The following NAV2 variants were observed in gnomAD, a reference collection of about 807,000 sequenced individuals.
The protein encoded by NAV2 is neuron navigator 2.
Under a neutral mutation model 223.2 loss-of-function variants are expected in NAV2, and 54 were observed. The ratio of observed to expected loss-of-function variants is 0.24; its 90% CI spans 0.19 to 0.30. The LOEUF is 0.30. Among genes scored for constraint, NAV2 ranks in the 10% least tolerant of loss-of-function variants. NAV2 has a pLI of 1.00. For missense variants in NAV2, 2,806 were observed against 3,147.5 expected, an observed-to-expected ratio of 0.89 and a Z score of 2.60; for synonymous variants, 1,279 against 1,239.3, an observed-to-expected ratio of 1.03 and a Z score of -0.67.
At chr11:20,044,906 A>G in intron 13 of NAV2, 62 bp from the exon 14 acceptor site, 1 of 1,419,588 alleles carries the variant, frequency 7.0e-7, no homozygotes, top group Non-Finnish European at 9.6e-7. Context: ...AGCATCTTAA[A>G]CAGACGAGAT....
At chr11:19,890,237 G>A (rs1419025638) in intron 5 of NAV2, among the ~76,000 whole-genome samples, 1 of 152,154 alleles carries the variant, frequency 6.6e-6, no homozygotes, top group African/African-American at 2.4e-5. Flanking sequence ...AATGTCTTGT[G>A]TATGGAAAAA....
intron 1 of NAV2, among the ~76,000 whole-genome samples, chr11:19,576,556 A>G (rs1180947272): frequency 3.3e-5 from 5 of 152,244 alleles, no homozygotes; most frequent in African/African-American, 1.2e-4. Flanking sequence ...AGAAATTGCT[A>G]TAATATATAA....
rs750633233 is a variant in NAV2 at position 20,097,586 on chromosome 11, A to T, written c.6022A>T (p.Ile2008Phe). ...TTTTTATTTTTTCCAGGAATACATC[A>T]TTCATGTCGACCCAGTGAGTCAGCT... ...VVRRLFKEYI[I>F]HVDPVSQLGL... Residue 2008 changes from isoleucine to phenylalanine, a missense_variant, in exon 31 of 38, where the codon ATT becomes TTT. Ile to Phe is a conservative substitution (Grantham distance 21). Around this residue, in one of 4 missense-constraint regions of NAV2, gnomAD observed 824 missense variants for 1,069.4 expected, o/e 0.77. Coordinates refer to ENST00000349880, the MANE Select transcript of NAV2 (RefSeq NM_145117.5). 1 of 1,591,758 alleles carries T rather than the reference A, an allele frequency of 6.3e-7. No individual in the cohort carries two copies. Among genetic ancestry groups the T allele is most frequent in the Non-Finnish European group, 8.5e-7 (1 of 1,173,006 alleles).
chr11:19,494,264 A>G (rs1394550821), intron 1 of NAV2, among the ~76,000 whole-genome samples: 1 of 152,210 alleles, frequency 6.6e-6, no homozygotes, highest in African/African-American at 2.4e-5. Flanking sequence ...ATAAATAGGT[A>G]TGCATTTAAT....
chr11:19,945,160 CCCTTCCCTTCCCTTCCCT>C (rs2046815860), intron 8 of NAV2, among the ~76,000 whole-genome samples: 1 of 14,378 alleles, frequency 7.0e-5, no homozygotes, highest in African/African-American at 2.0e-4. Flanking sequence ...TGTCTCCCTT[CCCTTCCCTTCCCTTCCCT>C]TCCCTTCCCT....
chr11:19,899,407 A>T (rs752202142), intron 6 of NAV2, among the ~76,000 whole-genome samples: 21 of 152,230 alleles, frequency 1.4e-4, no homozygotes, highest in Non-Finnish European at 2.8e-4. Context: ...GCTATTAACC[A>T]GGATTCTGAC....
intron 1 of NAV2, among the ~76,000 whole-genome samples, chr11:19,384,038 G>C (rs1256990757): frequency 6.6e-6 from 1 of 151,984 alleles, no homozygotes; most frequent in Non-Finnish European, 1.5e-5. Context: ...ATTTAATTGA[G>C]AACTATTCAG....
intron 1 of NAV2, among the ~76,000 whole-genome samples, chr11:19,809,158 A>G (rs1449057585): frequency 2.0e-5 from 3 of 152,198 alleles, no homozygotes; most frequent in Non-Finnish European, 4.4e-5. Context: ...AACAGTTACT[A>G]ATGAGTATTC....
chr11:19,607,608 T>C (rs1347764865), intron 1 of NAV2, among the ~76,000 whole-genome samples: 1 of 152,192 alleles, frequency 6.6e-6, no homozygotes, highest in East Asian at 1.9e-4. Flanking sequence ...TTGCACACTG[T>C]CTCCACTCAT....
At chr11:19,554,879 G>A (rs889431787) in intron 1 of NAV2, among the ~76,000 whole-genome samples, 5 of 151,788 alleles carry the variant, frequency 3.3e-5, no homozygotes, top group African/African-American at 7.3e-5. Flanking sequence ...CCCGGGAGGA[G>A]GAGGTTGCAG....
At chr11:19,655,693 G>T (rs1428242226) in intron 1 of NAV2, among the ~76,000 whole-genome samples, 4 of 139,392 alleles carry the variant, frequency 2.9e-5, no homozygotes, top group Non-Finnish European at 6.0e-5. Flanking sequence ...ATTGAACAAT[G>T]AGAACACATG....
chr11:19,528,654 G>A (rs910730501), intron 1 of NAV2, among the ~76,000 whole-genome samples: 19 of 150,982 alleles, frequency 1.3e-4, no homozygotes, highest in African/African-American at 2.7e-4. Context: ...TGGGAAGGCC[G>A]GGCACGGTGG....
chr11:19,855,746 T>C (rs1373414147), intron 3 of NAV2, among the ~76,000 whole-genome samples: 4 of 152,216 alleles, frequency 2.6e-5, no homozygotes, highest in African/African-American at 7.2e-5. Flanking sequence ...TCCAAGGAGA[T>C]TGTACAGAAG....
chr11:19,997,792 C>T (rs1172210117), intron 11 of NAV2, among the ~76,000 whole-genome samples: 2 of 152,270 alleles, frequency 1.3e-5, no homozygotes, highest in South Asian at 2.1e-4. Flanking sequence ...TCGGTAGATC[C>T]AGCACCAAGA....
chr11:20,035,618 C>A (rs889912117), intron 11 of NAV2, among the ~76,000 whole-genome samples: 4 of 152,164 alleles, frequency 2.6e-5, no homozygotes. Flanking sequence ...GACTCACTGC[C>A]CCTACTCTGC....
At chr11:19,465,958 T>C (rs1852334159) in intron 1 of NAV2, among the ~76,000 whole-genome samples, 1 of 152,228 alleles carries the variant, frequency 6.6e-6, no homozygotes, top group Admixed American at 6.5e-5. Flanking sequence ...GAGCACCAAC[T>C]GTTTCCCACA....
At chr11:19,828,444 G>T (rs1482147839) in intron 1 of NAV2, among the ~76,000 whole-genome samples, 1 of 152,164 alleles carries the variant, frequency 6.6e-6, no homozygotes, top group African/African-American at 2.4e-5. Flanking sequence ...ATGCAATATT[G>T]TCCTTTTGTA....
At chr11:20,018,353 C>CA (rs34251713) in intron 11 of NAV2, among the ~76,000 whole-genome samples, 80,519 of 88,004 alleles carry the variant, frequency 0.91, 37,463 homozygotes, top group East Asian at 0.97. Flanking sequence ...GATTCCATCT[C>CA]AAAAAAAAAA....
chr11:19,449,322 G>T (rs7126308), intron 1 of NAV2, among the ~76,000 whole-genome samples: 1 of 151,950 alleles, frequency 6.6e-6, no homozygotes, highest in African/African-American at 2.4e-5. Flanking sequence ...AGCCAAGCCC[G>T]GAAGGCGGAG....
Sources: gnomAD v4.1 joint callset for allele counts (sites outside exome capture counted in the v4.1 genomes callset) on GRCh38, gnomAD v4.1.1 for gene constraint, gnomAD v4.1.1 regional missense constraint, MANE v1.5 for transcripts, NCBI Gene and HGNC (gene_info 2026-07-23, HGNC 2026-07-21) for gene names.